The following GRM8 variants were observed in gnomAD, a reference collection of about 807,000 sequenced individuals.
GRM8 encodes the protein glutamate metabotropic receptor 8, also known as metabotropic glutamate receptor 8.
GRM8 carries 47 observed loss-of-function variants against 87.2 expected under a neutral mutation model. The observed-to-expected ratio is 0.54, with a 90% CI of 0.43 to 0.69. The LOEUF (loss-of-function observed/expected upper bound fraction) is 0.69, where lower values mean the gene tolerates loss of function less well. Ranked by LOEUF, GRM8 falls within the 30% of genes least tolerant of loss-of-function variation. The pLI is 0.00. For synonymous variants in GRM8, 396 were observed against 404.5 expected, an observed-to-expected ratio of 0.98 and a Z score of 0.25; for missense variants, 1,019 against 1,139.2, an observed-to-expected ratio of 0.89 and a Z score of 1.52.
rs79893554 is a variant in GRM8 at position 126,458,823 on chromosome 7, G to T, written c.2431-12451C>A. Among the ~76,000 whole-genome samples the T allele has an allele frequency of 3.9e-3, 592 of 151,140 alleles. 4 individuals carry two copies. The highest frequency in any genetic ancestry group is 0.013 in the African/African-American group (547 of 41,400). On this transcript the variant is annotated intron_variant, in intron 9 of 10. Coordinates refer to ENST00000339582, the MANE Select transcript of GRM8 (RefSeq NM_000845.3). ...TATTTGGAAACCAAATATCATCCCT[G>T]TAAGTAACTCCTATAAAAAGGAAAG...
intron 6 of GRM8, among the ~76,000 whole-genome samples, chr7:126,878,042 C>G (rs1443495697): frequency 1.3e-5 from 2 of 152,070 alleles, no homozygotes; most frequent in African/African-American, 4.8e-5. Flanking sequence ...GAGTGATGAG[C>G]CCTGAATTAC....
chr7:127,101,693 T>G (rs1329849759), intron 3 of GRM8, among the ~76,000 whole-genome samples: 2 of 152,164 alleles, frequency 1.3e-5, no homozygotes, highest in African/African-American at 4.8e-5. Context: ...ACCTCTTTTC[T>G]CATAAATTAC....
intron 8 of GRM8, among the ~76,000 whole-genome samples, chr7:126,582,168 T>A (rs569479832): frequency 6.7e-6 from 1 of 149,886 alleles, no homozygotes; most frequent in African/African-American, 2.4e-5. Flanking sequence ...GAAAAGTTAT[T>A]GAAGAAAATA....
Position 126,734,214 on chromosome 7 carries a change from T to A in GRM8, c.1357+35651A>T, listed in dbSNP as rs191312178. On this transcript the variant is annotated intron_variant, in intron 7 of 10. Coordinates refer to ENST00000339582, the MANE Select transcript of GRM8 (RefSeq NM_000845.3). ...ACATTGCTCCCCTGTACAGATATAG[T>A]ATTTTCTCGAAGTTGATCTGTAAGT... Among the ~76,000 whole-genome samples the A allele has an allele frequency of 4.5e-3, 686 of 152,074 alleles. 4 individuals are homozygous for A. The highest frequency in any genetic ancestry group is 7.3e-3 in the Admixed American group (112 of 15,256).
At chr7:126,930,209 T>G (rs759492071) in intron 3 of GRM8, among the ~76,000 whole-genome samples, 7 of 152,206 alleles carry the variant, frequency 4.6e-5, no homozygotes, top group African/African-American at 7.2e-5. Flanking sequence ...AGTTCCTATT[T>G]CCTGGCTGTG....
At position 126,903,646 on chromosome 7, in the gene GRM8, GGTATATGTGTATATATATAT is replaced by G. The variant is rs71177577; in HGVS notation, c.1018+306_1018+325del. ...ATATATGTATATGTGTATATATATA[GGTATATGTGTATATATATAT>G]GTATATGTGTATATATATATGTATA... On this transcript the variant is annotated intron_variant, in intron 5 of 10. Transcript: ENST00000339582. Among the ~76,000 whole-genome samples, 109 of 79,954 alleles carry G rather than the reference GGTATATGTGTATATATATAT, an allele frequency of 1.4e-3. 1 individual carries two copies. Among genetic ancestry groups the G allele is most frequent in the African/African-American group, 2.0e-3 (40 of 19,934 alleles). 52.5% of individuals were successfully genotyped at this position (79,954 alleles called of 152,430 possible).
chr7:126,711,912 G>A (rs1811143451), intron 7 of GRM8, among the ~76,000 whole-genome samples: 1 of 152,248 alleles, frequency 6.6e-6, no homozygotes, highest in South Asian at 2.1e-4. Flanking sequence ...ATAAAGGAAT[G>A]TTGTGACTGG....
Position 126,936,079 on chromosome 7 carries a change from C to T in GRM8, c.728-31396G>A, listed in dbSNP as rs1050209325. ...TGGCAGTATTAAGAAAAGATAAAAACCATCTAAATCATGCTGCTTGGAACT... is the reference window on the plus strand; with the variant it reads ...TGGCAGTATTAAGAAAAGATAAAAATCATCTAAATCATGCTGCTTGGAACT... On this transcript the variant is annotated intron_variant, in intron 3 of 10. Coordinates refer to ENST00000339582, the MANE Select transcript of GRM8 (RefSeq NM_000845.3). Among the ~76,000 whole-genome samples the T allele has an allele frequency of 2.6e-5, 4 of 152,290 alleles. No homozygotes were observed. In the South Asian group the frequency reaches 8.3e-4, roughly 32 times the overall value.
chr7:126,797,403 C>G (rs976724035), intron 6 of GRM8, among the ~76,000 whole-genome samples: 1 of 152,048 alleles, frequency 6.6e-6, no homozygotes, highest in Non-Finnish European at 1.5e-5. Context: ...AGCAAAATAG[C>G]ATATATTCTT....
intron 9 of GRM8, among the ~76,000 whole-genome samples, chr7:126,485,265 C>T (rs1807218740): frequency 7.8e-6 from 1 of 127,838 alleles, no homozygotes; most frequent in Admixed American, 7.9e-5. Flanking sequence ...AACACATGAC[C>T]CAGATTTGGA....
intron 3 of GRM8, among the ~76,000 whole-genome samples, chr7:127,014,193 C>T (rs926297043): frequency 2.6e-5 from 4 of 152,124 alleles, no homozygotes; most frequent in Non-Finnish European, 5.9e-5. Flanking sequence ...AAATAGGGGC[C>T]GCTGGCCTCA....
chr7:126,997,152 TAA>T (rs57340053), intron 3 of GRM8, among the ~76,000 whole-genome samples: 16 of 146,144 alleles, frequency 1.1e-4, no homozygotes, highest in African/African-American at 3.0e-4. Context: ...TTTTGTACAC[TAA>T]AAAAAAAAAC....
At position 126,869,933 on chromosome 7, in the gene GRM8, T is replaced by TAAAAAAAAA. The variant is rs71177572; in HGVS notation, c.1156+32600_1156+32608dup. The stretch of plus-strand genomic sequence containing the variant: ...CAGGTATTGACTTTTCCTCATAGAT[T>TAAAAAAAAA]AAAAAAAAAAAAAAAAAAAAAAAAA... On this transcript the variant is annotated intron_variant, in intron 6 of 10. Transcript: ENST00000339582. The TAAAAAAAAA allele has an allele frequency of 9.1e-4, 70 of 77,252 alleles. 1 individual carries two copies. Among genetic ancestry groups the TAAAAAAAAA allele is most frequent in the African/African-American group, 3.4e-3 (69 of 20,426 alleles). The allele number at this position is 77,252 out of a possible 1,614,324, so 4.8% of individuals were successfully genotyped here.
chr7:126,556,463 A>G (rs1378376678), intron 8 of GRM8, among the ~76,000 whole-genome samples: 2 of 152,014 alleles, frequency 1.3e-5, no homozygotes, highest in Non-Finnish European at 2.9e-5. Flanking sequence ...CCTGGCCAAC[A>G]TGGTGAAACC....
intron 8 of GRM8, among the ~76,000 whole-genome samples, chr7:126,572,267 GAC>G (rs897138205): frequency 2.6e-5 from 4 of 152,096 alleles, no homozygotes; most frequent in Admixed American, 6.6e-5. Context: ...AAATATGAGA[GAC>G]AGTGTTAGCA....
chr7:126,917,997 A>T (rs1804103934), intron 3 of GRM8, among the ~76,000 whole-genome samples: 1 of 152,222 alleles, frequency 6.6e-6, no homozygotes, highest in Non-Finnish European at 1.5e-5. Context: ...ATCTGAAGTT[A>T]CATGAATGAA....
At chr7:127,067,027 C>G (rs1325543158) in intron 3 of GRM8, among the ~76,000 whole-genome samples, 1 of 152,208 alleles carries the variant, frequency 6.6e-6, no homozygotes, top group African/African-American at 2.4e-5. Context: ...TCTCCCCCGA[C>G]AGTCTGTGCT....
intron 8 of GRM8, among the ~76,000 whole-genome samples, chr7:126,558,929 G>A (rs1279586254): frequency 6.6e-6 from 1 of 152,072 alleles, no homozygotes; most frequent in Non-Finnish European, 1.5e-5. Context: ...TAGGAATCAG[G>A]AATTCAAGAA....
chr7:126,890,660 C>A (rs1800910540), intron 6 of GRM8, among the ~76,000 whole-genome samples: 1 of 152,004 alleles, frequency 6.6e-6, no homozygotes, highest in Non-Finnish European at 1.5e-5. Flanking sequence ...CTCGGAAGGA[C>A]TCTGATAATT....
Sources: allele counts gnomAD v4.1 joint callset (sites outside exome capture counted in the v4.1 genomes callset), GRCh38; gene constraint gnomAD v4.1.1; transcripts MANE v1.5; gene names NCBI Gene and HGNC (gene_info 2026-07-23, HGNC 2026-07-21).